Variants in WDR25 observed in about 807,000 individuals in gnomAD.
WDR25 encodes WD repeat-containing protein 25.
Under a neutral mutation model 47.7 loss-of-function variants are expected in WDR25, and 35 were observed. The observed-to-expected ratio is 0.73, with a 90% confidence interval of 0.56 to 0.97. WDR25 has a LOEUF of 0.97. WDR25 is among the 50% of genes least tolerant of loss of function. WDR25 has a pLI of 0.00. For synonymous variants in WDR25, 248 were observed against 278.9 expected (o/e 0.89, Z 1.10); for missense variants, 634 against 704.7 (o/e 0.90, Z 1.14).
chr14:100,524,502 G>A (rs1231861706), intron 4 of WDR25, among the ~76,000 whole-genome samples: 3 of 152,208 alleles, frequency 2.0e-5, no homozygotes, highest in Non-Finnish European at 2.9e-5. Context: ...CAGCCGTGCC[G>A]TGAGGGGCAG....
chr14:100,509,718 G>A (rs1261286643), intron 4 of WDR25, among the ~76,000 whole-genome samples: 1 of 152,092 alleles, frequency 6.6e-6, no homozygotes, highest in Non-Finnish European at 1.5e-5. Context: ...TTGTGCCCCT[G>A]TGTTTACTTC....
chr14:100,442,671 T>C (rs1464333212), intron 2 of WDR25, among the ~76,000 whole-genome samples: 2 of 152,218 alleles, frequency 1.3e-5, no homozygotes, highest in Admixed American at 1.3e-4. Context: ...AATAAAAGTA[T>C]GCAGTTTGTA....
At chr14:100,471,447 GC>G (rs1384525610) in intron 3 of WDR25, among the ~76,000 whole-genome samples, 1 of 152,206 alleles carries the variant, frequency 6.6e-6, no homozygotes, top group Admixed American at 6.5e-5. Context: ...GCTCTCTTTA[GC>G]CATTGGGGTG....
chr14:100,520,840 C>T (rs1286750980), intron 4 of WDR25, among the ~76,000 whole-genome samples: 2 of 152,192 alleles, frequency 1.3e-5, no homozygotes, highest in Non-Finnish European at 2.9e-5. Context: ...GTTACCCCTA[C>T]TTTACAGGTA....
chr14:100,390,391 CTGTGTGTGTGTG>C (rs55802109), intron 2 of WDR25, among the ~76,000 whole-genome samples: 11 of 146,714 alleles, frequency 7.5e-5, no homozygotes, highest in East Asian at 6.1e-4. Context: ...TGACCAAAAG[CTGTGTGTGTGTG>C]TGTGTGTGTG....
At position 100,381,329 on chromosome 14, in the gene WDR25, G is replaced by A; in HGVS notation, c.405G>A (p.Lys135=). The part of the protein sequence containing the change: ...SHMPLAAARF[K]QVKLSRNFPK... ...TGCCCCTGGCAGCTGCCCGCTTTAA[G>A]CAAGTAAAACTCTCCAGGAACTTTC... The change falls in exon 2 of 7, where the codon AAG becomes AAA. Residue 135 remains lysine, a synonymous_variant. Transcript: ENST00000402312. The A allele has an allele frequency of 6.2e-7, 1 of 1,614,242 alleles. No individual in the cohort carries two copies. The highest frequency in any genetic ancestry group is 8.5e-7 in the Non-Finnish European group (1 of 1,180,048).
At chr14:100,477,580 T>A (rs1014897320) in intron 3 of WDR25, among the ~76,000 whole-genome samples, 1 of 128,388 alleles carries the variant, frequency 7.8e-6, no homozygotes, top group Non-Finnish European at 1.7e-5. Context: ...CTCCTTGATT[T>A]ATGAAAAGGT....
At chr14:100,495,049 GCT>G (rs996904857) in intron 4 of WDR25, among the ~76,000 whole-genome samples, 2 of 152,186 alleles carry the variant, frequency 1.3e-5, no homozygotes, top group African/African-American at 4.8e-5. Flanking sequence ...AGAACAGAAT[GCT>G]CTGTTATATT....
At chr14:100,415,267 G>A (rs1897837491) in intron 2 of WDR25, among the ~76,000 whole-genome samples, 1 of 152,306 alleles carries the variant, frequency 6.6e-6, no homozygotes, top group Non-Finnish European at 1.5e-5. Context: ...CAGCAAGACA[G>A]GCAAAGAAAT....
At chr14:100,503,058 CGT>C (rs143534778) in intron 4 of WDR25, among the ~76,000 whole-genome samples, 25 of 146,422 alleles carry the variant, frequency 1.7e-4, no homozygotes, top group South Asian at 2.2e-4. Flanking sequence ...TGTGTGTGTG[CGT>C]GTGTGTGTGT....
chr14:100,391,774 T>G (rs1303204742), intron 2 of WDR25, among the ~76,000 whole-genome samples: 1 of 152,228 alleles, frequency 6.6e-6, no homozygotes, highest in Non-Finnish European at 1.5e-5. Flanking sequence ...TGGTTTTTAG[T>G]GTGGTCTCCA....
rs2030093740 is a variant in WDR25 at position 100,525,791 on chromosome 14, C to G, written c.1102-79C>G. On this transcript the variant is annotated intron_variant, in intron 4 of 6. Coordinates refer to ENST00000402312, the MANE Select transcript of WDR25 (RefSeq NM_001161476.3). The surrounding 1 kb of genome is among the most constrained non-coding windows in gnomAD (Gnocchi z 4.6). ...AAACTTCACTAAACCTGCCTGCCCC[C>G]TGGGTCCTTGGCCTTCCCTGCATAG... 1.9e-6 allele frequency: 3 copies of G among 1,548,662 alleles called. No homozygotes were observed. The highest frequency in any genetic ancestry group is 2.6e-6 in the Non-Finnish European group (3 of 1,144,894).
In WDR25 at chr14:100,394,946, C is replaced by T. The variant is rs115954643; in HGVS notation, c.822+13200C>T. Among the ~76,000 whole-genome samples the T allele has an allele frequency of 3.0e-3, 463 of 152,160 alleles. 2 individuals are homozygous for T. The highest frequency in any genetic ancestry group is 0.011 in the African/African-American group (439 of 41,496). ...GCCACAGTGAGCCATGATTGTGCCA[C>T]TGCACTCAAGCCTGTATCTCAAAAA... is the stretch of plus-strand genomic sequence containing the variant. On this transcript the variant is annotated intron_variant, in intron 2 of 6. Transcript: ENST00000402312.
intron 2 of WDR25, among the ~76,000 whole-genome samples, chr14:100,456,351 C>A (rs1373183702): frequency 1.3e-5 from 2 of 151,788 alleles, no homozygotes; most frequent in African/African-American, 2.4e-5. Flanking sequence ...GTCTAGTATC[C>A]AAATAAAGAT....
At chr14:100,516,183 G>C (rs1157178978) in intron 4 of WDR25, among the ~76,000 whole-genome samples, 2 of 152,106 alleles carry the variant, frequency 1.3e-5, no homozygotes, top group East Asian at 3.9e-4. Context: ...GAGGCTTGCT[G>C]TTAGGCTTTG....
At chr14:100,505,482 C>T (rs1901080023) in intron 4 of WDR25, among the ~76,000 whole-genome samples, 1 of 152,182 alleles carries the variant, frequency 6.6e-6, no homozygotes, top group South Asian at 2.1e-4. Context: ...CTTTTGGTTA[C>T]TGTAGCTTTA....
intron 2 of WDR25, among the ~76,000 whole-genome samples, chr14:100,465,695 C>T (rs1048790190): frequency 6.6e-6 from 1 of 152,140 alleles, no homozygotes; most frequent in African/African-American, 2.4e-5. Context: ...TTTTGAGACC[C>T]TGGTTTCAGC....
At chr14:100,472,207 T>TGGAGCCCC (rs1440602481) in intron 3 of WDR25, among the ~76,000 whole-genome samples, 42 of 152,370 alleles carry the variant, frequency 2.8e-4, no homozygotes, top group African/African-American at 9.6e-4. Context: ...CCTGGAGCCC[T>TGGAGCCCC]GGAGCCCCGG....
At chr14:100,447,191 A>T (rs1898864398) in intron 2 of WDR25, among the ~76,000 whole-genome samples, 1 of 152,212 alleles carries the variant, frequency 6.6e-6, no homozygotes. Context: ...GTGAGCTTGG[A>T]TGCTGAGCAG....
Sources: gnomAD v4.1 joint callset for allele counts (sites outside exome capture counted in the v4.1 genomes callset) on GRCh38, gnomAD v4.1.1 for gene constraint, Gnocchi (gnomAD v3.1) non-coding constraint, MANE v1.5 for transcripts, NCBI Gene and HGNC (gene_info 2026-07-23, HGNC 2026-07-21) for gene names.